The following SGCD variants were observed in gnomAD, a reference collection of about 807,000 sequenced individuals.
The protein encoded by SGCD is delta-sarcoglycan.
In SGCD, 18 loss-of-function variants were observed where a neutral mutation model predicts 36.6. That is an observed-to-expected ratio of 0.49 (90% CI 0.34 to 0.73). The LOEUF is 0.73. Among genes scored for constraint, SGCD ranks in the 30% least tolerant of loss-of-function variants. The probability of loss-of-function intolerance (pLI) is 0.01; values close to 1 mark genes in which losing one functional copy is unlikely to be tolerated. For synonymous variants in SGCD, 133 were observed against 130.6 expected, an observed-to-expected ratio of 1.02 and a Z score of -0.12; for missense variants, 387 against 346.7, an observed-to-expected ratio of 1.12 and a Z score of -0.92.
intron 3 of SGCD, among the ~76,000 whole-genome samples, chr5:156,408,134 A>G (rs1334117481): frequency 6.6e-6 from 1 of 152,206 alleles, no homozygotes; most frequent in Non-Finnish European, 1.5e-5. Flanking sequence ...CATTCTACCA[A>G]AAGTTTATTA....
At chr5:155,877,560 T>C (rs1030269722) in intron 1 of SGCD, among the ~76,000 whole-genome samples, 1 of 152,140 alleles carries the variant, frequency 6.6e-6, no homozygotes, top group Admixed American at 6.6e-5. Flanking sequence ...GAGTAAGCAC[T>C]CAACAGTTGG....
At chr5:155,797,724 T>C in the SGCD span, among the ~76,000 whole-genome samples, 3 of 152,228 alleles carry the variant, frequency 2.0e-5, no homozygotes, top group Admixed American at 2.0e-4. Flanking sequence ...TCCTCATCTG[T>C]GCAACTAGAG....
intron 6 of SGCD, among the ~76,000 whole-genome samples, chr5:156,602,745 A>G (rs889832699): frequency 7.2e-5 from 11 of 152,206 alleles, no homozygotes; most frequent in Non-Finnish European, 1.5e-4. Flanking sequence ...TATCACACTT[A>G]TGGATTTGCT....
At position 156,442,998 on chromosome 5, in the gene SGCD, CT is replaced by C. The variant is rs200362793; in HGVS notation, c.193-65595del. Among the ~76,000 whole-genome samples, 566 of 152,026 alleles carry C rather than the reference CT, an allele frequency of 3.7e-3. 3 individuals carry two copies. The highest frequency in any genetic ancestry group is 0.013 in the African/African-American group (543 of 41,498). ...TAATGCATGTAGCCTTTTCTACCTT[CT>C]TTTTTTTGAGACGGAGTCTCTGTCA... On this transcript the variant is annotated intron_variant, in intron 3 of 8. Coordinates refer to ENST00000337851, the MANE Select transcript of SGCD (RefSeq NM_000337.6).
chr5:156,557,034 A>G (rs1759052768), intron 4 of SGCD, among the ~76,000 whole-genome samples: 1 of 152,140 alleles, frequency 6.6e-6, no homozygotes, highest in African/African-American at 2.4e-5. Context: ...AGTTTTAGTA[A>G]TTTCCTGGCT....
intron 3 of SGCD, among the ~76,000 whole-genome samples, chr5:156,230,036 C>T (rs1336064033): frequency 6.6e-6 from 1 of 152,142 alleles, no homozygotes; most frequent in Non-Finnish European, 1.5e-5. Context: ...TTTATGCTGT[C>T]TATTCATTGA....
the SGCD span, among the ~76,000 whole-genome samples, chr5:155,800,846 C>T: frequency 6.6e-6 from 1 of 152,164 alleles, no homozygotes; most frequent in Middle Eastern, 3.4e-3. Context: ...TTTGTGATTT[C>T]CATATTTTTT....
chr5:155,738,507 G>A, the SGCD span, among the ~76,000 whole-genome samples: 35,731 of 152,112 alleles, frequency 0.23, 5,232 homozygotes, highest in East Asian at 0.38. Flanking sequence ...CCATTGAGCT[G>A]CCTCATTATT....
chr5:156,071,477 T>G (rs1259793127), intron 1 of SGCD, among the ~76,000 whole-genome samples: 1 of 152,242 alleles, frequency 6.6e-6, no homozygotes, highest in Non-Finnish European at 1.5e-5. Context: ...CTAGTTTGAT[T>G]GCACTGTGGT....
chr5:156,357,103 A>G (rs1769531259), intron 3 of SGCD, among the ~76,000 whole-genome samples: 1 of 152,182 alleles, frequency 6.6e-6, no homozygotes, highest in Admixed American at 6.5e-5. Flanking sequence ...CCATTTTAGG[A>G]AAAGTACAAT....
intron 1 of SGCD, among the ~76,000 whole-genome samples, chr5:156,033,892 A>T (rs1043405537): frequency 6.6e-6 from 1 of 152,126 alleles, no homozygotes; most frequent in African/African-American, 2.4e-5. Context: ...TTTTGCACTT[A>T]ATTTTTTATA....
chr5:155,777,604 A>C, the SGCD span, among the ~76,000 whole-genome samples: 1 of 151,926 alleles, frequency 6.6e-6, no homozygotes, highest in African/African-American at 2.4e-5. Context: ...GACCTATCCC[A>C]CTGAGTCTGC....
chr5:156,067,810 G>A (rs1416275661), intron 1 of SGCD, among the ~76,000 whole-genome samples: 2 of 138,922 alleles, frequency 1.4e-5, no homozygotes, highest in Non-Finnish European at 3.0e-5. Flanking sequence ...CGCGCACGGT[G>A]CGCACACACA....
At chr5:156,410,730 G>T (rs1772695341) in intron 3 of SGCD, among the ~76,000 whole-genome samples, 1 of 152,236 alleles carries the variant, frequency 6.6e-6, no homozygotes, top group Non-Finnish European at 1.5e-5. Flanking sequence ...CCATGGTTTA[G>T]CCTTTATCTC....
At chr5:156,744,619 A>C (rs1756857216) in intron 7 of SGCD, among the ~76,000 whole-genome samples, 1 of 152,210 alleles carries the variant, frequency 6.6e-6, no homozygotes, top group South Asian at 2.1e-4. Context: ...TTGTTTAACC[A>C]GGTCTCCCAA....
At chr5:156,371,149 A>G (rs1344826760) in intron 3 of SGCD, among the ~76,000 whole-genome samples, 1 of 152,200 alleles carries the variant, frequency 6.6e-6, no homozygotes, top group Non-Finnish European at 1.5e-5. Flanking sequence ...ATAGAGAACA[A>G]TACCTATATT....
chr5:156,437,240 G>A (rs1753284011), intron 3 of SGCD, among the ~76,000 whole-genome samples: 1 of 151,976 alleles, frequency 6.6e-6, no homozygotes, highest in African/African-American at 2.4e-5. Flanking sequence ...GTAATCAATG[G>A]TACATATGTT....
intron 4 of SGCD, among the ~76,000 whole-genome samples, chr5:156,568,025 G>C (rs974665442): frequency 6.6e-6 from 1 of 152,116 alleles, no homozygotes; most frequent in Admixed American, 6.6e-5. Context: ...AATGGATCCA[G>C]AACCTGAATG....
intron 3 of SGCD, among the ~76,000 whole-genome samples, chr5:156,131,088 C>A (rs934113224): frequency 2.0e-5 from 3 of 152,202 alleles, no homozygotes; most frequent in African/African-American, 7.2e-5. Context: ...AATATTACTT[C>A]TGCCCTCAAG....
Sources: allele counts gnomAD v4.1 joint callset (sites outside exome capture counted in the v4.1 genomes callset), GRCh38; gene constraint gnomAD v4.1.1; transcripts MANE v1.5; gene names NCBI Gene and HGNC (gene_info 2026-07-23, HGNC 2026-07-21).